The following RPRD2 variants were observed in gnomAD, a reference collection of about 807,000 sequenced individuals.
RPRD2 encodes the protein regulation of nuclear pre-mRNA domain containing 2, also known as regulation of nuclear pre-mRNA domain-containing protein 2.
A neutral mutation model predicts 104.4 loss-of-function variants in RPRD2; 12 were observed. That is an observed-to-expected ratio of 0.11 (90% CI 0.07 to 0.19). The LOEUF (loss-of-function observed/expected upper bound fraction) is 0.19. Among genes scored for constraint, RPRD2 ranks in the 10% least tolerant of loss-of-function variants. The pLI is 1.00. For missense variants in RPRD2, 1,543 were observed against 1,790.1 expected (o/e 0.86, Z 2.49); for synonymous variants, 714 against 684.9 (o/e 1.04, Z -0.66).
intron 1 of RPRD2, among the ~76,000 whole-genome samples, chr1:150,391,920 T>C (rs1223560481): frequency 7.0e-6 from 1 of 143,398 alleles, no homozygotes; most frequent in African/African-American, 2.6e-5. Context: ...AAAATAAAAA[T>C]AAAAAAAAGG....
At position 150,471,719 on chromosome 1, in the gene RPRD2, G is replaced by T. The variant is rs777786278; in HGVS notation, c.2771G>T (p.Gly924Val). The change falls in exon 11 of 11, where the codon GGG becomes GTG. Residue 924 changes from glycine to valine, a missense_variant. Around this residue, in one of 4 missense-constraint regions of RPRD2, gnomAD observed 880 missense variants for 885.6 expected, o/e 0.99. Coordinates refer to ENST00000369068, the MANE Select transcript of RPRD2 (RefSeq NM_015203.5). The surrounding 1 kb of genome is among the most constrained non-coding windows in gnomAD (Gnocchi z 5.3). ...GAFSVRGNEP[G>V]SDRSPSPSKN... Reference sequence around the variant, plus strand: ...TTCAGCGTAAGAGGGAATGAACCTGGGTCTGACCGGTCACCATCACCGAGT... The same window carrying T: ...TTCAGCGTAAGAGGGAATGAACCTGTGTCTGACCGGTCACCATCACCGAGT... 72 of 1,613,752 alleles carry T rather than the reference G, an allele frequency of 4.5e-5. 1 individual carries two copies. In the Middle Eastern group the frequency reaches 9.2e-3, roughly 207 times the overall value.
intron 1 of RPRD2, among the ~76,000 whole-genome samples, chr1:150,386,865 T>A (rs1289954268): frequency 1.3e-5 from 2 of 152,226 alleles, no homozygotes; most frequent in African/African-American, 2.4e-5. Flanking sequence ...CAGTATAGTA[T>A]GTACAGTAGT....
At chr1:150,392,068 C>A (rs943771925) in intron 1 of RPRD2, among the ~76,000 whole-genome samples, 13 of 151,568 alleles carry the variant, frequency 8.6e-5, no homozygotes, top group African/African-American at 3.2e-4. Context: ...GGCATGGTGG[C>A]AGGCACCTGT....
At chr1:150,429,654 T>C (rs587729912) in intron 2 of RPRD2, among the ~76,000 whole-genome samples, 2 of 152,210 alleles carry the variant, frequency 1.3e-5, no homozygotes, top group Admixed American at 6.5e-5. Context: ...AATGATAATA[T>C]CCTGTTGTCA....
Position 150,472,270 on chromosome 1 carries a change from T to A in RPRD2, c.3322T>A (p.Ser1108Thr). ...AGGGGAGCCGATCCAGACCGTAGAG[T>A]CCATCCGAGTTCCTGGGAAGGGAAA... ...MSGEPIQTVE[S>T]IRVPGKGNRG... The change falls in exon 11 of 11, where the codon TCC becomes ACC. Residue 1108 changes from serine (S) to threonine (T), a missense_variant. Ser to Thr is a moderately conservative substitution (Grantham distance 58). Transcript: ENST00000369068. The A allele has an allele frequency of 1.9e-6, 3 of 1,613,622 alleles. No homozygotes were observed. Among genetic ancestry groups the A allele is most frequent in the Non-Finnish European group, 2.5e-6 (3 of 1,179,796 alleles).
chr1:150,470,482 G>A, intron 10 of RPRD2, 79 bp from the exon 11 acceptor site: 1 of 1,404,242 alleles, frequency 7.1e-7, no homozygotes, highest in South Asian at 1.4e-5. Flanking sequence ...ATGAATGAGA[G>A]TATCTGATTA....
At chr1:150,448,746 C>CAAAA (rs1553896022) in intron 7 of RPRD2, among the ~76,000 whole-genome samples, 1 of 152,128 alleles carries the variant, frequency 6.6e-6, no homozygotes, top group African/African-American at 2.4e-5. Flanking sequence ...TTCCCTTTTC[C>CAAAA]CCCTGGGTCC....
intron 1 of RPRD2, among the ~76,000 whole-genome samples, chr1:150,383,522 G>T (rs1393777656): frequency 6.6e-6 from 1 of 151,716 alleles, no homozygotes. Flanking sequence ...TTGCCGTGTT[G>T]GTCAGGCTGG....
chr1:150,472,785 T>C lies in RPRD2; in HGVS notation c.3837T>C (p.His1279=). The change falls in exon 11 of 11, where the codon CAT becomes CAC. Residue 1279 remains histidine (H), a synonymous_variant. Transcript: ENST00000369068. The part of the protein sequence containing the change: ...TPPPPPPPGE[H]SSSGGSGVPF... The stretch of plus-strand genomic sequence containing the variant: ...CTCCTCCTCCCCCTCCTGGGGAACA[T>C]AGCAGCAGTGGTGGGAGTGGTGTCC... 6.2e-7 allele frequency: 1 copy of C among 1,609,390 alleles called. No homozygotes were observed. Among genetic ancestry groups the C allele is most frequent in the Non-Finnish European group, 8.5e-7 (1 of 1,176,010 alleles).
At chr1:150,418,314 C>T (rs1197009362) in intron 2 of RPRD2, among the ~76,000 whole-genome samples, 1 of 152,098 alleles carries the variant, frequency 6.6e-6, no homozygotes, top group Non-Finnish European at 1.5e-5. Context: ...AAGCTGGTCT[C>T]CTGTTTATCC....
chr1:150,432,733 G>T (rs976571332), intron 2 of RPRD2, among the ~76,000 whole-genome samples: 1 of 151,820 alleles, frequency 6.6e-6, no homozygotes, highest in Non-Finnish European at 1.5e-5. Flanking sequence ...ATCCTGACAA[G>T]TTGGGAGGCT....
At chr1:150,417,974 CT>C (rs1426550095) in intron 2 of RPRD2, among the ~76,000 whole-genome samples, 4 of 124,740 alleles carry the variant, frequency 3.2e-5, no homozygotes, top group African/African-American at 1.2e-4. Flanking sequence ...TTCTTTCTTT[CT>C]TTCTTTCTTT....
intron 7 of RPRD2, 97 bp from the exon 8 acceptor site, chr1:150,457,191 T>C: frequency 8.3e-7 from 1 of 1,209,682 alleles, no homozygotes; most frequent in Non-Finnish European, 1.1e-6. Flanking sequence ...GCCACTACAC[T>C]CTAGCCTGGG....
At chr1:150,369,623 ATTTTT>A (rs61016870) in intron 1 of RPRD2, among the ~76,000 whole-genome samples, 5 of 68,900 alleles carry the variant, frequency 7.3e-5, no homozygotes, top group South Asian at 8.4e-4. Flanking sequence ...CGCCCAGCTA[ATTTTT>A]TTTTTTTTTT....
chr1:150,425,229 C>T (rs116103567), intron 2 of RPRD2, among the ~76,000 whole-genome samples: 2,096 of 152,186 alleles, frequency 0.014, 54 homozygotes, highest in African/African-American at 0.048. Flanking sequence ...TAAATATTAG[C>T]TGCTGCTATG....
intron 1 of RPRD2, among the ~76,000 whole-genome samples, chr1:150,415,945 G>A (rs1293206758): frequency 3.9e-5 from 6 of 152,252 alleles, no homozygotes; most frequent in African/African-American, 1.4e-4. Flanking sequence ...GAAGAGATGT[G>A]GTAAAGATTC....
intron 1 of RPRD2, among the ~76,000 whole-genome samples, chr1:150,407,372 T>C (rs931722970): frequency 2.0e-5 from 3 of 152,200 alleles, no homozygotes; most frequent in Non-Finnish European, 4.4e-5. Context: ...TACAGCACCA[T>C]TTGTTCAGTG....
Position 150,471,354 on chromosome 1 carries a change from G to C in RPRD2, c.2406G>C (p.Gln802His). The C allele has an allele frequency of 6.2e-7, 1 of 1,613,524 alleles. No individual in the cohort carries two copies. ...FGLGSESPYK[Q>H]PSDGMERPSS... ...TGGGCAGTGAATCTCCCTATAAGCA[G>C]CCTTCTGATGGAATGGAGAGACCAT... The change falls in exon 11 of 11, where the codon CAG becomes CAC. Residue 802 changes from glutamine to histidine, a missense_variant. Coordinates refer to ENST00000369068, the MANE Select transcript of RPRD2 (RefSeq NM_015203.5). This position sits in a 1 kb window ranked among gnomAD's most constrained non-coding sequence, Gnocchi z 5.3.
intron 7 of RPRD2, among the ~76,000 whole-genome samples, chr1:150,455,035 T>C (rs1667431809): frequency 6.6e-6 from 1 of 152,198 alleles, no homozygotes; most frequent in Admixed American, 6.5e-5. Flanking sequence ...TAAGTCGTAT[T>C]GATTGTATGT....
Sources: allele counts gnomAD v4.1 joint callset (sites outside exome capture counted in the v4.1 genomes callset), GRCh38; gene constraint gnomAD v4.1.1; regional missense constraint gnomAD v4.1.1; non-coding constraint Gnocchi (gnomAD v3.1); transcripts MANE v1.5; gene names NCBI Gene and HGNC (gene_info 2026-07-23, HGNC 2026-07-21).